The following DCK variants were observed in gnomAD, a reference collection of about 807,000 sequenced individuals.
DCK encodes the protein deoxyadenosine kinase.
DCK carries 23 observed loss-of-function variants against 38.3 expected under a neutral mutation model. The ratio of observed to expected loss-of-function variants is 0.60; its 90% CI spans 0.43 to 0.85. The LOEUF is 0.85. DCK is among the 40% of genes least tolerant of loss of function. The probability of loss-of-function intolerance (pLI) is 0.00; values close to 1 mark genes in which losing one functional copy is unlikely to be tolerated. For synonymous variants in DCK, 108 were observed against 100.6 expected (o/e 1.07, Z -0.44); for missense variants, 259 against 304.4 (o/e 0.85, Z 1.11).
chr4:71,002,823 C>G (rs563765505), intron 2 of DCK, among the ~76,000 whole-genome samples: 1 of 152,104 alleles, frequency 6.6e-6, no homozygotes, highest in South Asian at 2.1e-4. Context: ...AAATCTTCCT[C>G]CATCCCTTTA....
intron 2 of DCK, among the ~76,000 whole-genome samples, chr4:71,020,058 G>T (rs961582090): frequency 3.3e-5 from 5 of 152,222 alleles, no homozygotes; most frequent in African/African-American, 9.7e-5. Flanking sequence ...AAAGTGTTGG[G>T]ATTACAGGCG....
rs1428159424 is a variant in DCK at position 70,993,882 on chromosome 4, C to T, written c.47C>T (p.Ser16Phe). ...KRSCPSFSAS[S>F]EGTRIKKISI... The stretch of plus-strand genomic sequence containing the variant: ...AGCTGCCCGTCTTTCTCAGCCAGCT[C>T]TGAGGGGACCCGCATCAAGAAAATC... The change falls in exon 1 of 7, where the codon TCT (serine) becomes TTT (phenylalanine). Residue 16 changes from serine (S) to phenylalanine (F), a missense_variant. Ser to Phe is a radical substitution (Grantham distance 155). This residue lies in a region of DCK where 159 missense variants were observed against 159.0 expected (regional missense o/e 1.00). Transcript: ENST00000286648. The T allele has an allele frequency of 1.2e-6, 2 of 1,614,120 alleles. No homozygotes were observed.
intron 6 of DCK, among the ~76,000 whole-genome samples, chr4:71,028,299 C>T (rs1029021775): frequency 6.6e-6 from 1 of 152,178 alleles, no homozygotes; most frequent in African/African-American, 2.4e-5. Flanking sequence ...AGAACTATAT[C>T]TATCTTAGAT....
intron 2 of DCK, among the ~76,000 whole-genome samples, chr4:71,004,630 G>A (rs1479127242): frequency 6.6e-6 from 1 of 152,240 alleles, no homozygotes; most frequent in African/African-American, 2.4e-5. Context: ...GACGGGGGCT[G>A]CTGCCTTTCT....
chr4:71,026,018 G>A, intron 5 of DCK, 87 bp downstream of exon 5: 1 of 1,386,954 alleles, frequency 7.2e-7, no homozygotes, highest in African/African-American at 1.5e-5. Flanking sequence ...GATATGACTA[G>A]CAATATGTAA....
In DCK at chr4:71,026,739, A is replaced by C; in HGVS notation, c.740A>C (p.Glu247Ala). The change falls in exon 6 of 7, where the codon GAA becomes GCA. Residue 247 changes from glutamate (E) to alanine (A), a missense_variant. Transcript: ENST00000286648. Reference protein sequence around the residue: ...DVNEDFKDKYESLVEKVKEFL... With the variant: ...DVNEDFKDKYASLVEKVKEFL... Reference sequence around the variant, plus strand: ...AATGAAGACTTTAAAGACAAATATGAAAGTCTGGTTGAAAAGGTAGATTTA... The same window carrying C: ...AATGAAGACTTTAAAGACAAATATGCAAGTCTGGTTGAAAAGGTAGATTTA... The C allele has an allele frequency of 6.5e-7, 1 of 1,535,694 alleles. No individual in the cohort carries two copies.
At chr4:71,005,404 C>T (rs1739914969) in intron 2 of DCK, among the ~76,000 whole-genome samples, 1 of 151,916 alleles carries the variant, frequency 6.6e-6, no homozygotes, top group Admixed American at 6.6e-5. Flanking sequence ...AGAGCTGTTC[C>T]TATTTGGCCA....
At chr4:71,023,378 C>T (rs1302429924) in intron 3 of DCK, among the ~76,000 whole-genome samples, 181 bp from the exon 4 acceptor site, 1 of 152,186 alleles carries the variant, frequency 6.6e-6, no homozygotes, top group Non-Finnish European at 1.5e-5. Context: ...ATGGGGTCCT[C>T]ACTCCGTATT....
intron 2 of DCK, among the ~76,000 whole-genome samples, chr4:71,010,004 GT>G (rs1442518253): frequency 1.3e-5 from 2 of 152,086 alleles, no homozygotes; most frequent in Non-Finnish European, 2.9e-5. Flanking sequence ...AGAAGTGACT[GT>G]TTTCAGACCT....
chr4:71,014,826 C>A (rs993194038), intron 2 of DCK, among the ~76,000 whole-genome samples: 37 of 152,248 alleles, frequency 2.4e-4, no homozygotes, highest in African/African-American at 8.7e-4. Flanking sequence ...CAGGAGAGAT[C>A]TAAAATTGAC....
intron 2 of DCK, among the ~76,000 whole-genome samples, chr4:71,014,953 A>AAC (rs1355559470): frequency 1.3e-5 from 2 of 152,196 alleles, no homozygotes; most frequent in African/African-American, 4.8e-5. Flanking sequence ...AGACACAAAA[A>AAC]ACCCTTCAAA....
At chr4:71,010,166 CTTTT>C (rs367836620) in intron 2 of DCK, among the ~76,000 whole-genome samples, 2 of 135,354 alleles carry the variant, frequency 1.5e-5, no homozygotes, top group Non-Finnish European at 1.6e-5. Flanking sequence ...GCTGTTTTAG[CTTTT>C]TTTTTTTTTT....
At chr4:70,999,810 A>G (rs1423414407) in intron 2 of DCK, among the ~76,000 whole-genome samples, 1 of 151,916 alleles carries the variant, frequency 6.6e-6, no homozygotes, top group African/African-American at 2.4e-5. Context: ...TGGCTGCATA[A>G]ATGTCTTCTT....
chr4:71,014,030 G>A (rs1740180485), intron 2 of DCK, among the ~76,000 whole-genome samples: 1 of 152,154 alleles, frequency 6.6e-6, no homozygotes, highest in African/African-American at 2.4e-5. Context: ...CCCATCTCAT[G>A]TGCAGAGACA....
At chr4:71,012,842 C>A (rs143598231) in intron 2 of DCK, among the ~76,000 whole-genome samples, 1 of 152,322 alleles carries the variant, frequency 6.6e-6, no homozygotes, top group African/African-American at 2.4e-5. Flanking sequence ...GCTGAAAATT[C>A]TAAAAATCAG....
chr4:71,002,573 A>G (rs1219523037), intron 2 of DCK, among the ~76,000 whole-genome samples: 1 of 152,080 alleles, frequency 6.6e-6, no homozygotes, highest in East Asian at 1.9e-4. Context: ...AAAGTCTCCC[A>G]CTGTTATTAT....
intron 2 of DCK, among the ~76,000 whole-genome samples, chr4:71,011,154 G>A (rs1052495825): frequency 5.3e-5 from 8 of 151,382 alleles, no homozygotes; most frequent in African/African-American, 1.9e-4. Flanking sequence ...TGTTGGCCAG[G>A]CTGGTCTTGA....
Position 70,993,793 on chromosome 4 carries a change from C to T in DCK, c.-43C>T. The T allele has an allele frequency of 6.9e-7, 1 of 1,448,832 alleles. No homozygotes were observed. The highest frequency in any genetic ancestry group is 9.6e-7 in the Non-Finnish European group (1 of 1,037,826). 89.7% of individuals were successfully genotyped at this position (1,448,832 alleles called of 1,614,324 possible). On this transcript the variant is annotated 5_prime_UTR_variant, in exon 1 of 7. Transcript: ENST00000286648. The stretch of plus-strand genomic sequence containing the variant: ...GCGCGCACCCGTGGCCGCCTCCCAG[C>T]CCTCTTTGCCGGACGAGCTCTGGGC...
chr4:71,023,633 A>T lies in DCK; in HGVS notation c.476A>T (p.His159Leu). ...GAGTGGACAATTTATCAAGACTGGC[A>T]TGACTGGATGAATAACCAATTTGGC... Reference protein sequence around the residue: ...ETEWTIYQDWHDWMNNQFGQS... With the variant: ...ETEWTIYQDWLDWMNNQFGQS... The change falls in exon 4 of 7, where the codon CAT (histidine) becomes CTT (leucine). Residue 159 changes from histidine (H) to leucine (L), a missense_variant. By Grantham distance (99) the His-to-Leu change is moderately conservative. Coordinates refer to ENST00000286648, the MANE Select transcript of DCK (RefSeq NM_000788.3). 1 of 1,613,384 alleles carries T rather than the reference A, an allele frequency of 6.2e-7. No individual in the cohort carries two copies. The highest frequency in any genetic ancestry group is 2.2e-5 in the East Asian group (1 of 44,856).
Sources: gnomAD v4.1 joint callset for allele counts (sites outside exome capture counted in the v4.1 genomes callset) on GRCh38, gnomAD v4.1.1 for gene constraint, gnomAD v4.1.1 regional missense constraint, MANE v1.5 for transcripts, NCBI Gene and HGNC (gene_info 2026-07-23, HGNC 2026-07-21) for gene names.